The following NPAS3 variants were observed in gnomAD, a reference collection of about 807,000 sequenced individuals.
NPAS3 encodes neuronal PAS domain-containing protein 3.
Under a neutral mutation model 73.1 loss-of-function variants are expected in NPAS3, and 14 were observed. That is an observed-to-expected ratio of 0.19 (90% CI 0.13 to 0.30). The LOEUF is 0.30. Ranked by LOEUF, NPAS3 falls within the 10% of genes least tolerant of loss-of-function variation. NPAS3 has a pLI of 1.00. For missense variants in NPAS3, 1,096 were observed against 1,250.0 expected (o/e 0.88, Z 1.86); for synonymous variants, 620 against 541.5 (o/e 1.14, Z -2.01).
At chr14:33,704,958 T>C (rs2140465709) in intron 6 of NPAS3, among the ~76,000 whole-genome samples, 1 of 152,190 alleles carries the variant, frequency 6.6e-6, no homozygotes, top group East Asian at 1.9e-4. Flanking sequence ...TTCAGGCAGG[T>C]CGCTCATAAA....
At chr14:33,083,044 G>A (rs1566541535) in intron 2 of NPAS3, among the ~76,000 whole-genome samples, 1 of 151,768 alleles carries the variant, frequency 6.6e-6, no homozygotes, top group Non-Finnish European at 1.5e-5. Flanking sequence ...TTAGCCAGGT[G>A]TGGGGGCGTG....
chr14:33,119,351 C>A (rs2043160857), intron 2 of NPAS3, among the ~76,000 whole-genome samples: 1 of 151,882 alleles, frequency 6.6e-6, no homozygotes, highest in African/African-American at 2.4e-5. Context: ...GCTTGCCAAT[C>A]CACAACTTCT....
intron 2 of NPAS3, among the ~76,000 whole-genome samples, chr14:33,209,833 T>C (rs959068301): frequency 2.0e-5 from 3 of 152,232 alleles, no homozygotes; most frequent in African/African-American, 7.2e-5. Flanking sequence ...GAAGACTAGA[T>C]ATTATATTCT....
At chr14:33,285,900 G>A (rs1265051362) in intron 3 of NPAS3, among the ~76,000 whole-genome samples, 1 of 152,136 alleles carries the variant, frequency 6.6e-6, no homozygotes, top group Non-Finnish European at 1.5e-5. Context: ...AGGTAAGACT[G>A]AATTTGTTGC....
chr14:33,803,061 A>G (rs530656660), downstream of NPAS3: 153 of 152,356 alleles, frequency 1.0e-3, no homozygotes, highest in African/African-American at 3.4e-3. Flanking sequence ...ACTGAAGAAT[A>G]ATGCTCAGAT....
intron 3 of NPAS3, among the ~76,000 whole-genome samples, chr14:33,268,310 T>A (rs2040908633): frequency 6.6e-6 from 1 of 152,134 alleles, no homozygotes; most frequent in South Asian, 2.1e-4. Context: ...AGCTTAGACT[T>A]TTTGACTCCT....
intron 3 of NPAS3, among the ~76,000 whole-genome samples, chr14:33,281,836 G>A (rs565124864): frequency 1.1e-4 from 17 of 152,114 alleles, no homozygotes; most frequent in Admixed American, 2.6e-4. Flanking sequence ...AGTAGTATGC[G>A]TTGGCCACAG....
intron 5 of NPAS3, among the ~76,000 whole-genome samples, chr14:33,647,953 A>G (rs2058881705): frequency 1.3e-5 from 2 of 152,196 alleles, no homozygotes; most frequent in African/African-American, 2.4e-5. Flanking sequence ...ATAATTGCCC[A>G]TCTTCATAAC....
intron 1 of NPAS3, among the ~76,000 whole-genome samples, chr14:33,047,691 T>A (rs943545606): frequency 2.0e-5 from 3 of 152,138 alleles, no homozygotes; most frequent in Non-Finnish European, 4.4e-5. Context: ...TAGTAAAGTT[T>A]TTTGGTTTTG....
intron 4 of NPAS3, among the ~76,000 whole-genome samples, chr14:33,369,449 G>A (rs181569787): frequency 1.0e-4 from 13 of 130,484 alleles, no homozygotes; most frequent in Admixed American, 2.4e-4. Context: ...ATTCTGTGTC[G>A]CTTCAGAATA....
At chr14:33,384,496 G>A (rs1380610976) in intron 4 of NPAS3, among the ~76,000 whole-genome samples, 4 of 151,658 alleles carry the variant, frequency 2.6e-5, no homozygotes, top group Non-Finnish European at 2.9e-5. Flanking sequence ...TTGGGAAGCC[G>A]AGGTGGGTGG....
At chr14:33,056,051 G>T (rs1595346201) in intron 2 of NPAS3, 57 bp downstream of exon 2, 1 of 734,616 alleles carries the variant, frequency 1.4e-6, no homozygotes, top group Admixed American at 2.2e-5. Flanking sequence ...GCTTGTGGTT[G>T]CCAGCTATTC....
chr14:33,107,182 G>C (rs1180830467), intron 2 of NPAS3, among the ~76,000 whole-genome samples: 1 of 152,096 alleles, frequency 6.6e-6, no homozygotes, highest in Non-Finnish European at 1.5e-5. Flanking sequence ...CACAGGGCTA[G>C]GTAATCCAAA....
intron 3 of NPAS3, among the ~76,000 whole-genome samples, chr14:33,245,516 A>G (rs1156762584): frequency 6.6e-6 from 1 of 152,222 alleles, no homozygotes; most frequent in African/African-American, 2.4e-5. Context: ...TTGACAAGAT[A>G]TTAGATTCCT....
intron 2 of NPAS3, among the ~76,000 whole-genome samples, chr14:33,209,043 CAG>C (rs1215183636): frequency 6.6e-6 from 1 of 152,174 alleles, no homozygotes; most frequent in Non-Finnish European, 1.5e-5. Context: ...AGTTAAGCAG[CAG>C]AGTTCTTACC....
chr14:33,094,114 TAA>T (rs34494598), intron 2 of NPAS3, among the ~76,000 whole-genome samples: 22 of 148,796 alleles, frequency 1.5e-4, no homozygotes, highest in African/African-American at 4.4e-4. Flanking sequence ...ACTTAAAGTA[TAA>T]AAAAAAAAAA....
chr14:33,534,028 T>C (rs1303485976), intron 4 of NPAS3, among the ~76,000 whole-genome samples: 1 of 152,144 alleles, frequency 6.6e-6, no homozygotes, highest in Non-Finnish European at 1.5e-5. Context: ...TTTTGTCATT[T>C]TATTCAGTTA....
rs1247578448 is a variant in NPAS3, at chr14:33,032,346, G to A, written c.51-23559G>A. Among the ~76,000 whole-genome samples, 4 of 152,120 alleles carry A rather than the reference G, an allele frequency of 2.6e-5. No homozygotes were observed. In the South Asian group the frequency reaches 8.3e-4, roughly 32 times the overall value. On this transcript the variant is annotated intron_variant, in intron 1 of 11. Transcript: ENST00000356141. ...GGAGAGATAGAAATGGAGAGAGTAG[G>A]TACATGAGAAGACCAATTAGAAGGT...
chr14:33,398,997 T>C (rs2047338429), intron 4 of NPAS3, among the ~76,000 whole-genome samples: 1 of 152,122 alleles, frequency 6.6e-6, no homozygotes, highest in East Asian at 1.9e-4. Flanking sequence ...TCCCAATGGT[T>C]AGACCATTTA....
Sources: allele counts gnomAD v4.1 joint callset (sites outside exome capture counted in the v4.1 genomes callset), GRCh38; gene constraint gnomAD v4.1.1; transcripts MANE v1.5; gene names NCBI Gene and HGNC (gene_info 2026-07-23, HGNC 2026-07-21).